ZC3H14: variants seen among roughly 807,000 people sequenced by gnomAD.
ZC3H14 encodes zinc finger CCCH-type containing 14.
ZC3H14 carries 31 observed loss-of-function variants against 92.4 expected under a neutral mutation model. The ratio of observed to expected loss-of-function variants is 0.34; its 90% CI spans 0.25 to 0.45. The LOEUF is 0.45. Among genes scored for constraint, ZC3H14 ranks in the 20% least tolerant of loss-of-function variants. The pLI is 1.00. For synonymous variants in ZC3H14, 321 were observed against 300.9 expected, an observed-to-expected ratio of 1.07 and a Z score of -0.69; for missense variants, 781 against 897.3, an observed-to-expected ratio of 0.87 and a Z score of 1.66.
chr14:88,572,821 T>TGGTGTTCATTTAACA lies in ZC3H14; in HGVS notation c.688_689insCAGGTGTTCATTTAA (p.Leu229_Asn230insThrGlyValHisLeu). On this transcript the variant is annotated inframe_insertion, in exon 6 of 17. Transcript: ENST00000251038. ...CACCTGCAAGTAGAAATGCAGATAG[T>TGGTGTTCATTTAACA]GGTGTTCATTTAAACAGGTTGCAAT... 2 of 1,614,196 alleles carry TGGTGTTCATTTAACA rather than the reference T, an allele frequency of 1.2e-6. No homozygotes were observed. The highest frequency in any genetic ancestry group is 1.7e-6 in the Non-Finnish European group (2 of 1,180,040).
chr14:88,626,669 T>C lies in ZC3H14; in HGVS notation c.*14918T>C. ...TCTCATTAACATTCTTTTCACTCCC[T>C]AATTTCTGAAAGAACTAGATTTTTG... On this transcript the variant is annotated 3_prime_UTR_variant, in exon 17 of 17. Transcript: ENST00000251038. The C allele has an allele frequency of 1.4e-6, 1 of 709,634 alleles. No homozygotes were observed. The allele number at this position is 709,634 out of a possible 1,614,324, so 44.0% of individuals were successfully genotyped here.
chr14:88,594,697 G>T, intron 9 of ZC3H14: 2 of 1,613,524 alleles, frequency 1.2e-6, no homozygotes, highest in Non-Finnish European at 1.7e-6. Context: ...AGAATTTTAT[G>T]AAAATGTCTT....
In ZC3H14 at chr14:88,578,121, T is replaced by G. The variant is rs201108116; in HGVS notation, c.1260T>G (p.Asp420Glu). ...PPIKEEETKGDSVEKNQGTQQ... is the reference protein window; with the variant it reads ...PPIKEEETKGESVEKNQGTQQ... ...TTAAAGAAGAGGAAACAAAAGGAGA[T>G]TCTGTAGAAAAAAATCAAGGTAATA... Residue 420 changes from aspartate to glutamate, a missense_variant, in exon 9 of 17, where the codon GAT becomes GAG. Around this residue, in one of 3 missense-constraint regions of ZC3H14, gnomAD observed 454 missense variants for 438.5 expected, o/e 1.04. Coordinates refer to ENST00000251038, the MANE Select transcript of ZC3H14 (RefSeq NM_024824.5). 243 of 1,613,876 alleles carry G rather than the reference T, an allele frequency of 1.5e-4. No homozygotes were observed. The highest frequency in any genetic ancestry group is 7.7e-4 in the Admixed American group (46 of 59,992).
chr14:88,581,006 CTG>C (rs969750132), intron 9 of ZC3H14, among the ~76,000 whole-genome samples: 2 of 152,176 alleles, frequency 1.3e-5, no homozygotes, highest in African/African-American at 2.4e-5. Flanking sequence ...CCAGCACCAA[CTG>C]TTATCTATAT....
intron 9 of ZC3H14, chr14:88,590,593 A>G (rs1208627399): frequency 3.9e-5 from 6 of 152,074 alleles, no homozygotes; most frequent in Non-Finnish European, 8.8e-5. Context: ...TTTTCCCCAT[A>G]ACGTTTGTCA....
intron 6 of ZC3H14, among the ~76,000 whole-genome samples, chr14:88,573,429 A>G (rs1005380479): frequency 6.6e-6 from 1 of 151,852 alleles, no homozygotes; most frequent in African/African-American, 2.4e-5. Context: ...TTCCAAATTT[A>G]TTTTATTTTA....
In ZC3H14 at chr14:88,613,404, G is replaced by A. The variant is rs1170793208; in HGVS notation, c.*1653G>A. On this transcript the variant is annotated 3_prime_UTR_variant, in exon 17 of 17. Transcript: ENST00000251038. The stretch of plus-strand genomic sequence containing the variant: ...AATACTTTTAGCTATCATTTATAAA[G>A]ATAGTTTTGTTCTCAGTTTCACTAT... 6.6e-6 allele frequency: 1 copy of A among 151,754 alleles called. No homozygotes were observed. The highest frequency in any genetic ancestry group is 1.5e-5 in the Non-Finnish European group (1 of 68,014). 9.4% of individuals were successfully genotyped at this position (151,754 alleles called of 1,614,324 possible). A position where few individuals can be genotyped will look rare whatever the true frequency, so the allele number is the denominator to read the frequency against.
Position 88,596,781 on chromosome 14 carries a change from A to G in ZC3H14, c.1327A>G (p.Met443Val). Residue 443 changes from methionine (M) to valine (V), a missense_variant, in exon 10 of 17, where the codon ATG becomes GTG. By Grantham distance (21) the Met-to-Val change is conservative. This residue lies in a region of ZC3H14 where 454 missense variants were observed against 438.5 expected (regional missense o/e 1.04). Coordinates refer to ENST00000251038, the MANE Select transcript of ZC3H14 (RefSeq NM_024824.5). ...LLSRLQIDPV[M>V]AETLQMSQDY... ...ATCCCGACTGCAAATCGACCCAGTA[A>G]TGGCAGAAACTCTGCAGATGAGTCA... 1 of 1,614,082 alleles carries G rather than the reference A, an allele frequency of 6.2e-7. No homozygotes were observed. The highest frequency in any genetic ancestry group is 8.5e-7 in the Non-Finnish European group (1 of 1,179,972).
Position 88,616,210 on chromosome 14 carries a change from G to A in ZC3H14, c.*4459G>A, listed in dbSNP as rs2087586312. On this transcript the variant is annotated 3_prime_UTR_variant, in exon 17 of 17. Transcript: ENST00000251038. ...TGGTAAATCGAATATTTGTCACATG[G>A]GGCGAATGACCCAAGAACCTTTTGT... 6.2e-7 allele frequency: 1 copy of A among 1,613,814 alleles called. No homozygotes were observed. The highest frequency in any genetic ancestry group is 1.3e-5 in the African/African-American group (1 of 75,012).
intron 2 of ZC3H14, among the ~76,000 whole-genome samples, chr14:88,564,903 G>C (rs558570942): frequency 6.6e-5 from 10 of 152,262 alleles, no homozygotes; most frequent in African/African-American, 2.4e-4. Flanking sequence ...CTCTTTCAGG[G>C]AACATCATTT....
chr14:88,568,433 A>G (rs1344314302), intron 3 of ZC3H14, among the ~76,000 whole-genome samples: 1 of 152,260 alleles, frequency 6.6e-6, no homozygotes, highest in African/African-American at 2.4e-5. Context: ...TCACAAGTCG[A>G]CAGGAAAGAG....
chr14:88,605,351 G>T (rs1405213012), intron 12 of ZC3H14, among the ~76,000 whole-genome samples: 7 of 152,124 alleles, frequency 4.6e-5, no homozygotes, highest in Non-Finnish European at 1.0e-4. Flanking sequence ...TTTGTTTTTA[G>T]AAAGGGTATC....
intron 9 of ZC3H14, among the ~76,000 whole-genome samples, chr14:88,584,741 C>T (rs966927256): frequency 1.3e-5 from 2 of 152,140 alleles, no homozygotes; most frequent in East Asian, 3.8e-4. Context: ...TATTTTTCAT[C>T]ATGTTTAGTG....
chr14:88,575,093 T>A (rs2080985135), intron 7 of ZC3H14, among the ~76,000 whole-genome samples: 1 of 152,172 alleles, frequency 6.6e-6, no homozygotes, highest in Non-Finnish European at 1.5e-5. Flanking sequence ...TGCACTACCA[T>A]GACCAGCTAA....
chr14:88,567,328 G>A (rs888958438), intron 2 of ZC3H14, among the ~76,000 whole-genome samples: 8 of 151,394 alleles, frequency 5.3e-5, no homozygotes, highest in Non-Finnish European at 7.4e-5. Context: ...TGTTAGCCAG[G>A]ATGGTCTCAA....
chr14:88,574,966 T>A, intron 7 of ZC3H14, 113 bp downstream of exon 7: 1 of 1,507,576 alleles, frequency 6.6e-7, no homozygotes. Context: ...AGACGGAGTC[T>A]CGCTCTGTCA....
At chr14:88,595,667 AAACT>A (rs1484689566) in intron 9 of ZC3H14, among the ~76,000 whole-genome samples, 8 of 152,344 alleles carry the variant, frequency 5.3e-5, no homozygotes, top group Admixed American at 3.9e-4. Flanking sequence ...GTTTTAAAGG[AAACT>A]AACTGATACA....
At position 88,616,822 on chromosome 14, in the gene ZC3H14, G is replaced by C. The variant is rs755142877; in HGVS notation, c.*5071G>C. Reference sequence around the variant, plus strand: ...CTGAATGAGATACACAGGCACAGTTGACATCAGCTTTCTCAGCATGTCTGG... The same window carrying C: ...CTGAATGAGATACACAGGCACAGTTCACATCAGCTTTCTCAGCATGTCTGG... On this transcript the variant is annotated 3_prime_UTR_variant, in exon 17 of 17. Coordinates refer to ENST00000251038, the MANE Select transcript of ZC3H14 (RefSeq NM_024824.5). The C allele has an allele frequency of 1.2e-6, 2 of 1,613,762 alleles. No homozygotes were observed. Among genetic ancestry groups the C allele is most frequent in the East Asian group, 2.2e-5 (1 of 44,868 alleles).
rs559916505 is a variant in ZC3H14 at position 88,566,186 on chromosome 14, T to G, written c.80-1853T>G. 3.3e-5 allele frequency among the ~76,000 whole-genome samples: 5 copies of G among 151,838 alleles called. No individual in the cohort carries two copies. The South Asian group carries it at 8.4e-4, about 25-fold the overall frequency. The stretch of plus-strand genomic sequence containing the variant: ...TGAGCCACTGTGCCTTGCCTAAATT[T>G]TTTTTTGGAAAATTTAATAATGTTA... On this transcript the variant is annotated intron_variant, in intron 2 of 16. Coordinates refer to ENST00000251038, the MANE Select transcript of ZC3H14 (RefSeq NM_024824.5).
Sources: gnomAD v4.1 joint callset for allele counts (sites outside exome capture counted in the v4.1 genomes callset) on GRCh38, gnomAD v4.1.1 for gene constraint, gnomAD v4.1.1 regional missense constraint, MANE v1.5 for transcripts, NCBI Gene and HGNC (gene_info 2026-07-23, HGNC 2026-07-21) for gene names.